Variants in RNF150 observed in about 807,000 individuals in gnomAD.
RNF150 encodes ring finger protein 150.
Under a neutral mutation model 39.3 loss-of-function variants are expected in RNF150, and 24 were observed. The observed-to-expected ratio is 0.61, with a 90% CI of 0.44 to 0.86. RNF150 has a LOEUF of 0.86. Among genes scored for constraint, RNF150 ranks in the 40% least tolerant of loss-of-function variants. RNF150 has a pLI of 0.00. For synonymous variants in RNF150, 255 were observed against 227.3 expected, an observed-to-expected ratio of 1.12 and a Z score of -1.10; for missense variants, 502 against 587.8, an observed-to-expected ratio of 0.85 and a Z score of 1.51.
intron 1 of RNF150, among the ~76,000 whole-genome samples, chr4:141,025,641 C>A (rs980480092): frequency 1.4e-4 from 22 of 151,856 alleles, no homozygotes; most frequent in African/African-American, 5.3e-4. Context: ...TTGGAAGATA[C>A]ATAAAAAGTA....
Position 140,949,281 on chromosome 4 carries a change from A to G in RNF150, c.807+20T>C. On this transcript the variant is annotated intron_variant, in intron 3 of 6. Coordinates refer to ENST00000515673, the MANE Select transcript of RNF150 (RefSeq NM_020724.2). ...TTCTTTGAATAGCTCCTCACCAAAA[A>G]GAAAAGAGGCTGCTATTACCTTGTC... 1 of 1,592,932 alleles carries G rather than the reference A, an allele frequency of 6.3e-7. No homozygotes were observed. The highest frequency in any genetic ancestry group is 2.2e-5 in the East Asian group (1 of 44,722).
chr4:141,193,583 T>A (rs1270072198), intron 1 of RNF150, among the ~76,000 whole-genome samples: 1 of 152,200 alleles, frequency 6.6e-6, no homozygotes, highest in African/African-American at 2.4e-5. Context: ...GCACTTAGAT[T>A]TTAAGCCAAG....
At chr4:141,087,174 T>C (rs1738399393) in intron 1 of RNF150, among the ~76,000 whole-genome samples, 1 of 152,126 alleles carries the variant, frequency 6.6e-6, no homozygotes, top group Non-Finnish European at 1.5e-5. Context: ...AGTTGTCTGT[T>C]GTTGCCTTGC....
chr4:141,172,458 A>G (rs1419166489), intron 1 of RNF150, among the ~76,000 whole-genome samples: 4 of 152,176 alleles, frequency 2.6e-5, no homozygotes, highest in Non-Finnish European at 4.4e-5. Flanking sequence ...TAATTTATCT[A>G]CTAAGTTACC....
chr4:140,994,481 AAC>A (rs61671585), intron 1 of RNF150, among the ~76,000 whole-genome samples: 13 of 150,776 alleles, frequency 8.6e-5, no homozygotes, highest in African/African-American at 1.5e-4. Flanking sequence ...ACACACACAC[AAC>A]ACACACACAC....
intron 5 of RNF150, among the ~76,000 whole-genome samples, chr4:140,917,074 G>A (rs1278290740): frequency 6.6e-6 from 1 of 152,168 alleles, no homozygotes; most frequent in Non-Finnish European, 1.5e-5. Flanking sequence ...ACTGGTACTA[G>A]CCACTGCAAA....
intron 1 of RNF150, among the ~76,000 whole-genome samples, chr4:141,101,131 T>G (rs1411097833): frequency 6.6e-6 from 1 of 152,188 alleles, no homozygotes; most frequent in Non-Finnish European, 1.5e-5. Context: ...ATTTTAAAAT[T>G]ATTCTGTCTT....
chr4:141,006,029 A>G (rs928155037), intron 1 of RNF150, among the ~76,000 whole-genome samples: 2 of 149,358 alleles, frequency 1.3e-5, no homozygotes, highest in Non-Finnish European at 3.0e-5. Flanking sequence ...AGATCCCGCC[A>G]CTGCACTCCA....
At chr4:141,014,498 C>A (rs1578632681) in intron 1 of RNF150, among the ~76,000 whole-genome samples, 1 of 152,212 alleles carries the variant, frequency 6.6e-6, no homozygotes, top group African/African-American at 2.4e-5. Flanking sequence ...TTCTCTCCAA[C>A]ACGTTATCTT....
intron 1 of RNF150, among the ~76,000 whole-genome samples, chr4:141,151,751 A>G (rs2636766): frequency 0.89 from 135,889 of 152,138 alleles, 62,639 homozygotes; most frequent in Non-Finnish European, 1. Context: ...TCTATAAGCA[A>G]GGAAGTGTTC....
chr4:140,939,433 C>T (rs1016266477), intron 4 of RNF150, among the ~76,000 whole-genome samples: 8 of 152,108 alleles, frequency 5.3e-5, no homozygotes, highest in African/African-American at 1.7e-4. Context: ...TAACCTTATT[C>T]CTAAAAGGAA....
At chr4:140,989,090 G>A (rs1734108961) in intron 1 of RNF150, among the ~76,000 whole-genome samples, 1 of 152,128 alleles carries the variant, frequency 6.6e-6, no homozygotes, top group African/African-American at 2.4e-5. Flanking sequence ...TAGCAGTTTA[G>A]CTTCATTGTA....
At chr4:140,938,060 T>C (rs1731929228) in intron 4 of RNF150, among the ~76,000 whole-genome samples, 1 of 152,214 alleles carries the variant, frequency 6.6e-6, no homozygotes, top group African/African-American at 2.4e-5. Context: ...TCACGAGTTA[T>C]AGGACTCATA....
intron 1 of RNF150, among the ~76,000 whole-genome samples, chr4:141,028,833 A>T (rs550690973): frequency 6.6e-6 from 1 of 152,140 alleles, no homozygotes; most frequent in South Asian, 2.1e-4. Context: ...ATAATTTTTT[A>T]AAAAACTTGA....
intron 1 of RNF150, among the ~76,000 whole-genome samples, chr4:141,154,086 C>G (rs538174591): frequency 7.9e-5 from 12 of 152,304 alleles, no homozygotes; most frequent in African/African-American, 2.4e-4. Context: ...TATGTATAAG[C>G]ACTTAGAATA....
At chr4:141,111,305 A>C (rs751830242) in intron 1 of RNF150, among the ~76,000 whole-genome samples, 8 of 152,178 alleles carry the variant, frequency 5.3e-5, no homozygotes, top group Non-Finnish European at 1.0e-4. Flanking sequence ...ATAAACAATT[A>C]ATTCATTATT....
In RNF150 at chr4:141,173,636, C is replaced by T. The variant is rs977195083; in HGVS notation, c.-6+39158G>A. Among the ~76,000 whole-genome samples, 2 of 152,304 alleles carry T rather than the reference C, an allele frequency of 1.3e-5. 1 individual carries two copies. The highest frequency in any genetic ancestry group is 4.8e-5 in the African/African-American group (2 of 41,566). On this transcript the variant is annotated intron_variant, in intron 1 of 7. Transcript: ENST00000420921. ...GCATCACAAGAAGCAAATGTCCCAG[C>T]TAGCTCATGGCCCCAGGAGAAGACT...
intron 6 of RNF150, among the ~76,000 whole-genome samples, chr4:140,880,949 T>C (rs1729351346): frequency 6.6e-6 from 1 of 152,158 alleles, no homozygotes; most frequent in South Asian, 2.1e-4. Context: ...GGTTGATCCT[T>C]TCAAAACACA....
At chr4:140,931,765 A>T (rs1444734226) in intron 4 of RNF150, among the ~76,000 whole-genome samples, 1 of 152,246 alleles carries the variant, frequency 6.6e-6, no homozygotes, top group Non-Finnish European at 1.5e-5. Context: ...TTTTAAAAAT[A>T]GTTCTTCAAA....
Sources: allele counts gnomAD v4.1 joint callset (sites outside exome capture counted in the v4.1 genomes callset), GRCh38; gene constraint gnomAD v4.1.1; transcripts MANE v1.5; gene names NCBI Gene and HGNC (gene_info 2026-07-23, HGNC 2026-07-21).